Variants in GOLGA8Q observed in about 807,000 individuals in gnomAD.
The protein encoded by GOLGA8Q is golgin subfamily A member 8Q.
Under a neutral mutation model 48.7 loss-of-function variants are expected in GOLGA8Q, and 3 were observed. The ratio of observed to expected loss-of-function variants is 0.06; its 90% confidence interval spans 0.03 to 0.16. The LOEUF is 0.16. Ranked by LOEUF, GOLGA8Q falls within the 10% of genes least tolerant of loss-of-function variation. The pLI is 1.00. For missense variants in GOLGA8Q, 49 were observed against 364.3 expected (o/e 0.13, Z 7.05); for synonymous variants, 22 against 138.2 (o/e 0.16, Z 5.90).
rs758270408 is a variant in GOLGA8Q, at chr15:30,560,657, G to T, written c.1276+46G>T. On this transcript the variant is annotated intron_variant, in intron 14 of 18. Coordinates refer to ENST00000562783, the MANE Select transcript of GOLGA8Q (RefSeq NM_001355476.2). ...GAAGAGGAGAGAGCCCCAGGAGGAA[G>T]GGGGGACTGCTAGCAGCATAGGATT... The T allele has an allele frequency of 2.2e-4, 186 of 845,416 alleles. 53 individuals carry two copies. The African/African-American group carries it at 2.4e-3, about 11-fold the overall frequency. The allele number at this position is 845,416 out of a possible 1,614,324, so 52.4% of individuals were successfully genotyped here.
chr15:30,554,379 T>C lies in GOLGA8Q; in HGVS notation c.169-422T>C, dbSNP rs1388263023. ...GCTAGGGATATGATTTAGGGCAAGT[T>C]GCTAGACCTCATTGGGCCTCTCTTT... On this transcript the variant is annotated intron_variant, in intron 2 of 18. Transcript: ENST00000562783. 9.3e-4 allele frequency among the ~76,000 whole-genome samples: 92 copies of C among 99,078 alleles called. 1 individual carries two copies. The highest frequency in any genetic ancestry group is 5.2e-3 in the Middle Eastern group (1 of 192). 65.0% of individuals were successfully genotyped at this position (99,078 alleles called of 152,430 possible). A position where few individuals can be genotyped will look rare whatever the true frequency, so the allele number is the denominator to read the frequency against.
In GOLGA8Q at chr15:30,560,456, G is replaced by A. The variant is rs2059673075; in HGVS notation, c.1201-80G>A. 1.8e-5 allele frequency: 18 copies of A among 992,962 alleles called. 3 individuals are homozygous for A. The highest frequency in any genetic ancestry group is 2.3e-5 in the Non-Finnish European group (17 of 727,788). The allele number at this position is 992,962 out of a possible 1,614,324, so 61.5% of individuals were successfully genotyped here. ...GCCAAAAGTTGCAGGAGACCCAGGG[G>A]AGGGAGCTGCCGAGGATGGGGCTGT... On this transcript the variant is annotated intron_variant, in intron 13 of 18. Coordinates refer to ENST00000562783, the MANE Select transcript of GOLGA8Q (RefSeq NM_001355476.2).
Position 30,556,505 on chromosome 15 carries a change from T to TG in GOLGA8Q, c.481+13dup. ...CTCAGATACTTTGAAGGTGGGAATC[T>TG]GGGCACCCTGTCATCCTTCAACCTG... On this transcript the variant is annotated intron_variant, in intron 7 of 18. Coordinates refer to ENST00000562783, the MANE Select transcript of GOLGA8Q (RefSeq NM_001355476.2). 1 of 580,684 alleles carries TG rather than the reference T, an allele frequency of 1.7e-6. No individual in the cohort carries two copies. Among genetic ancestry groups the TG allele is most frequent in the Non-Finnish European group, 3.1e-6 (1 of 327,544 alleles). The allele number at this position is 580,684 out of a possible 1,614,324, so 36.0% of individuals were successfully genotyped here.
Position 30,560,658 on chromosome 15 carries a change from G to A in GOLGA8Q, c.1276+47G>A. The A allele has an allele frequency of 3.6e-6, 3 of 843,020 alleles. 1 individual carries two copies. Among genetic ancestry groups the A allele is most frequent in the East Asian group, 5.1e-5 (2 of 39,460 alleles). 52.2% of individuals were successfully genotyped at this position (843,020 alleles called of 1,614,324 possible). A position where few individuals can be genotyped will look rare whatever the true frequency, so the allele number is the denominator to read the frequency against. On this transcript the variant is annotated intron_variant, in intron 14 of 18. Coordinates refer to ENST00000562783, the MANE Select transcript of GOLGA8Q (RefSeq NM_001355476.2). ...AAGAGGAGAGAGCCCCAGGAGGAAG[G>A]GGGGACTGCTAGCAGCATAGGATTG...
intron 8 of GOLGA8Q, among the ~76,000 whole-genome samples, 159 bp downstream of exon 8, chr15:30,556,859 G>C (rs925307788): frequency 8.6e-6 from 1 of 116,774 alleles, no homozygotes; most frequent in African/African-American, 3.9e-5. Flanking sequence ...GCCTGGGGCC[G>C]AGTCAGCTGC....
chr15:30,560,761 T>G, intron 14 of GOLGA8Q, 150 bp downstream of exon 14: 1 of 658,728 alleles, frequency 1.5e-6, no homozygotes, highest in East Asian at 2.7e-5. Flanking sequence ...ATCAGTGTGG[T>G]GACCTCCTGT....
chr15:30,560,507 T>G, intron 13 of GOLGA8Q, 29 bp from the exon 14 acceptor site: 2 of 1,078,042 alleles, frequency 1.9e-6, no homozygotes, highest in South Asian at 3.0e-5. Context: ...GCAAACTCCA[T>G]CCCTTCTCAC....
intron 3 of GOLGA8Q, 47 bp from the exon 4 acceptor site, chr15:30,554,995 T>A (rs1389745151): frequency 1.1e-6 from 1 of 900,494 alleles, no homozygotes; most frequent in Admixed American, 2.4e-5. Flanking sequence ...TCTCTCTACC[T>A]CTCTCCCCAC....
rs571557643 is a variant in GOLGA8Q, at chr15:30,560,387, G to A, written c.1201-149G>A. On this transcript the variant is annotated intron_variant, in intron 13 of 18. Transcript: ENST00000562783. ...AACAGACCCAGCTAATGAACCAGCT[G>A]CAGCAGTAGAAAGCTTGGGGCAAAG... is the stretch of plus-strand genomic sequence containing the variant. The A allele has an allele frequency of 2.3e-3, 2,424 of 1,042,846 alleles. 818 individuals carry two copies. Among genetic ancestry groups the A allele is most frequent in the Non-Finnish European group, 2.9e-3 (2,263 of 779,994 alleles). The allele number at this position is 1,042,846 out of a possible 1,614,324, so 64.6% of individuals were successfully genotyped here.
Position 30,558,006 on chromosome 15 carries a change from A to G in GOLGA8Q, c.741A>G (p.Gly247=). The G allele has an allele frequency of 8.3e-7, 1 of 1,210,246 alleles. No individual in the cohort carries two copies. Among genetic ancestry groups the G allele is most frequent in the Non-Finnish European group, 1.2e-6 (1 of 865,250 alleles). The allele number at this position is 1,210,246 out of a possible 1,614,324, so 75.0% of individuals were successfully genotyped here. Reference sequence around the variant, plus strand: ...ATGAGTGTGCTGAACATATAGAAGGAGAGAGGGCCCGGTGGCATCAGAGGA... The same window carrying G: ...ATGAGTGTGCTGAACATATAGAAGGGGAGAGGGCCCGGTGGCATCAGAGGA... ...ERDECAEHIE[G]ERARWHQRMS... is the part of the protein sequence containing the mutation. The change falls in exon 10 of 19, where the codon GGA becomes GGG. Residue 247 remains glycine (G), a synonymous_variant. Transcript: ENST00000562783.
chr15:30,558,925 G>C lies in GOLGA8Q; in HGVS notation c.1089G>C (p.Lys363Asn). 2 of 268,420 alleles carry C rather than the reference G, an allele frequency of 7.5e-6. No homozygotes were observed. Among genetic ancestry groups the C allele is most frequent in the South Asian group, 2.8e-5 (1 of 35,814 alleles). 16.6% of individuals were successfully genotyped at this position (268,420 alleles called of 1,614,324 possible). A position where few individuals can be genotyped will look rare whatever the true frequency, so the allele number is the denominator to read the frequency against. Residue 363 changes from lysine (K) to asparagine (N), a missense_variant, in exon 12 of 19, where the codon AAG becomes AAC. Lys to Asn is a moderately conservative substitution (Grantham distance 94, BLOSUM62 0). Coordinates refer to ENST00000562783, the MANE Select transcript of GOLGA8Q (RefSeq NM_001355476.2). ...AGAGGCTTCAGGAGCAGCACGAGAA[G>C]CTTCGGCAGCTGGCCAAGCCACAGA... ...QEERLQEQHEKLRQLAKPQSV... is the reference protein window; with the variant it reads ...QEERLQEQHENLRQLAKPQSV...
chr15:30,553,619 TAGCCA>T (rs2059625275), intron 1 of GOLGA8Q, among the ~76,000 whole-genome samples, 168 bp from the exon 2 acceptor site: 1 of 12,802 alleles, frequency 7.8e-5, no homozygotes. Flanking sequence ...TTTTTTTTTC[TAGCCA>T]TGATATCAAT....
Position 30,558,110 on chromosome 15 carries a change from T to G in GOLGA8Q, c.786+59T>G. 1.4e-5 allele frequency: 13 copies of G among 925,690 alleles called. 5 individuals carry two copies. The highest frequency in any genetic ancestry group is 1.9e-5 in the Non-Finnish European group (12 of 643,828). The allele number at this position is 925,690 out of a possible 1,614,324, so 57.3% of individuals were successfully genotyped here. The stretch of plus-strand genomic sequence containing the variant: ...ATAGGGCACTGGATCTTTCTGGGCA[T>G]CTGTAAAATGGGAATAGTAGAGCCA... On this transcript the variant is annotated intron_variant, in intron 10 of 18. Coordinates refer to ENST00000562783, the MANE Select transcript of GOLGA8Q (RefSeq NM_001355476.2).
intron 13 of GOLGA8Q, among the ~76,000 whole-genome samples, chr15:30,560,193 A>G (rs1249855785): frequency 1.1e-5 from 1 of 91,312 alleles, no homozygotes; most frequent in East Asian, 2.1e-4. Flanking sequence ...CCTCACACCC[A>G]GGGTCTTCCT....
chr15:30,560,017 G>A (rs1422792250), intron 13 of GOLGA8Q, among the ~76,000 whole-genome samples: 2 of 108,968 alleles, frequency 1.8e-5, no homozygotes, highest in East Asian at 4.3e-4. Flanking sequence ...AATGAGAAGA[G>A]GGTATGAGAT....
rs1257304943 is a variant in GOLGA8Q, at chr15:30,564,132, CA to C, written c.*1634del. 7.2e-5 allele frequency among the ~76,000 whole-genome samples: 9 copies of C among 125,342 alleles called. No individual in the cohort carries two copies. The highest frequency in any genetic ancestry group is 9.9e-5 in the Non-Finnish European group (6 of 60,764). The allele number at this position is 125,342 out of a possible 152,430, so 82.2% of individuals were successfully genotyped here. ...GATGCTTGGGAAAGACTCAACAGTT[CA>C]AACTTCATGAAGTTCTAATGTCTGT... is the stretch of plus-strand genomic sequence containing the variant. On this transcript the variant is annotated 3_prime_UTR_variant, in exon 19 of 19. Coordinates refer to ENST00000562783, the MANE Select transcript of GOLGA8Q (RefSeq NM_001355476.2).
Position 30,558,043 on chromosome 15 carries a change from T to C in GOLGA8Q, c.778T>C (p.Leu260=). ...ARWHQRMSKM[L]QEICTLKKEK... ...GTGGCATCAGAGGATGAGTAAAATGTTGCAGGAGGTGAGATCTGACCCTTC... is the reference window on the plus strand; with the variant it reads ...GTGGCATCAGAGGATGAGTAAAATGCTGCAGGAGGTGAGATCTGACCCTTC... Residue 260 remains leucine, a synonymous_variant, in exon 10 of 19, where the codon TTG becomes CTG. Transcript: ENST00000562783. 1 of 1,090,282 alleles carries C rather than the reference T, an allele frequency of 9.2e-7. No individual in the cohort carries two copies. The highest frequency in any genetic ancestry group is 3.1e-5 in the African/African-American group (1 of 31,754). 67.5% of individuals were successfully genotyped at this position (1,090,282 alleles called of 1,614,324 possible).
chr15:30,556,888 T>TC (rs1252563938), intron 8 of GOLGA8Q, among the ~76,000 whole-genome samples, 188 bp downstream of exon 8: 2 of 95,536 alleles, frequency 2.1e-5, no homozygotes, highest in African/African-American at 5.3e-5. Context: ...AGTTGGGGGG[T>TC]ACTGTGGGGA....
Position 30,554,368 on chromosome 15 carries a change from T to A in GOLGA8Q, c.169-433T>A, listed in dbSNP as rs1462639638. Among the ~76,000 whole-genome samples the A allele has an allele frequency of 3.8e-5, 4 of 104,532 alleles. 1 individual carries two copies. Among genetic ancestry groups the A allele is most frequent in the African/African-American group, 1.8e-4 (4 of 21,652 alleles). The allele number at this position is 104,532 out of a possible 152,430, so 68.6% of individuals were successfully genotyped here. ...CCATCTGCTCTGCTAGGGATATGAT[T>A]TAGGGCAAGTTGCTAGACCTCATTG... is the stretch of plus-strand genomic sequence containing the variant. On this transcript the variant is annotated intron_variant, in intron 2 of 18. Coordinates refer to ENST00000562783, the MANE Select transcript of GOLGA8Q (RefSeq NM_001355476.2).
Sources: gnomAD v4.1 joint callset for allele counts (sites outside exome capture counted in the v4.1 genomes callset) on GRCh38, gnomAD v4.1.1 for gene constraint, MANE v1.5 for transcripts, NCBI Gene and HGNC (gene_info 2026-07-23, HGNC 2026-07-21) for gene names.